The following FAM167A variants were observed in gnomAD, a reference collection of about 807,000 sequenced individuals.
FAM167A encodes protein FAM167A.
In FAM167A, 23 loss-of-function variants were observed where a neutral mutation model predicts 14.9. That is an observed-to-expected ratio of 1.55 (90% CI 1.11 to 2.19). The LOEUF is 2.19. Ranked by LOEUF, FAM167A falls within the 30% of genes most tolerant of loss-of-function variation. The pLI, the probability that FAM167A is intolerant of heterozygous loss-of-function variation, is 0.00. For missense variants in FAM167A, 401 were observed against 281.5 expected (o/e 1.42, Z -3.04); for synonymous variants, 174 against 117.7 (o/e 1.48, Z -3.10).
intron 2 of FAM167A, among the ~76,000 whole-genome samples, chr8:11,427,416 C>G (rs900118763): frequency 6.6e-6 from 1 of 152,120 alleles, no homozygotes; most frequent in African/African-American, 2.4e-5. Context: ...GATCTGAATC[C>G]TTCTCACTAT....
intron 2 of FAM167A, among the ~76,000 whole-genome samples, chr8:11,429,288 A>AT (rs1277895265): frequency 6.6e-6 from 1 of 152,212 alleles, no homozygotes; most frequent in African/African-American, 2.4e-5. Context: ...CTTTTTATAA[A>AT]TTAATCTTTT....
chr8:11,453,029 C>G (rs551171906), intron 1 of FAM167A, among the ~76,000 whole-genome samples: 4 of 152,230 alleles, frequency 2.6e-5, no homozygotes, highest in African/African-American at 4.8e-5. Flanking sequence ...TTCCCCTGCA[C>G]TCCTGACCCC....
chr8:11,456,818 G>C (rs1327903515), intron 1 of FAM167A, among the ~76,000 whole-genome samples: 18 of 149,848 alleles, frequency 1.2e-4, no homozygotes, highest in African/African-American at 3.7e-4. Flanking sequence ...GCTGGGTTAG[G>C]GACGTGGGTG....
At chr8:11,425,518 G>C (rs1035884534) in intron 2 of FAM167A, among the ~76,000 whole-genome samples, 1 of 152,180 alleles carries the variant, frequency 6.6e-6, no homozygotes, top group East Asian at 1.9e-4. Context: ...TTAGTGGCTT[G>C]ATGTTTCCTA....
chr8:11,460,496 C>T (rs1807496259), intron 1 of FAM167A, among the ~76,000 whole-genome samples: 1 of 152,226 alleles, frequency 6.6e-6, no homozygotes, highest in South Asian at 2.1e-4. Context: ...GAGGCGCCGA[C>T]TCGCCCACGT....
chr8:11,437,740 G>A (rs187550286), intron 2 of FAM167A, among the ~76,000 whole-genome samples: 16 of 152,252 alleles, frequency 1.1e-4, no homozygotes, highest in African/African-American at 3.4e-4. Context: ...ACCCCATACC[G>A]TCGTGTGCTG....
chr8:11,422,883 A>C lies in FAM167A; in HGVS notation c.*1490T>G, dbSNP rs763853109. The C allele has an allele frequency of 1.0e-4, 16 of 152,602 alleles. No individual in the cohort carries two copies. Among genetic ancestry groups the C allele is most frequent in the Non-Finnish European group, 8.8e-5 (6 of 68,048 alleles). The allele number at this position is 152,602 out of a possible 1,614,324, so 9.5% of individuals were successfully genotyped here. A position where few individuals can be genotyped will look rare whatever the true frequency, so the allele number is the denominator to read the frequency against. On this transcript the variant is annotated 3_prime_UTR_variant, in exon 3 of 3. Coordinates refer to ENST00000284486, the MANE Select transcript of FAM167A (RefSeq NM_053279.3). ...TCAGTGCCTTGCTCCACCTTGACCC[A>C]AATGTTCTGAATTGCAATACTCTGG...
intron 2 of FAM167A, among the ~76,000 whole-genome samples, chr8:11,429,778 G>A (rs1283893504): frequency 6.6e-6 from 1 of 152,226 alleles, no homozygotes; most frequent in Admixed American, 6.5e-5. Flanking sequence ...TTCAAGCTGA[G>A]CTCCACTCCT....
chr8:11,426,329 G>A (rs1805144182), intron 2 of FAM167A, among the ~76,000 whole-genome samples: 2 of 152,162 alleles, frequency 1.3e-5, no homozygotes, highest in African/African-American at 4.8e-5. Flanking sequence ...AAACCAAACA[G>A]TAACTGGACC....
chr8:11,445,324 C>G (rs9792227), intron 1 of FAM167A: 1 of 985,814 alleles, frequency 1.0e-6, no homozygotes, highest in Non-Finnish European at 1.2e-6. Context: ...CCCCTCACCA[C>G]CTCCACCCAC....
chr8:11,424,233 G>A lies in FAM167A; in HGVS notation c.*140C>T. 1.8e-6 allele frequency: 2 copies of A among 1,085,396 alleles called. No homozygotes were observed. The highest frequency in any genetic ancestry group is 2.6e-6 in the Non-Finnish European group (2 of 765,868). 67.2% of individuals were successfully genotyped at this position (1,085,396 alleles called of 1,614,324 possible). The stretch of plus-strand genomic sequence containing the variant: ...CTGGGTGGGAGAGCACCACTGAATA[G>A]GTCCTGGGGCCCTTGAGTCGCCAGT... On this transcript the variant is annotated 3_prime_UTR_variant, in exon 3 of 3. Transcript: ENST00000284486.
At chr8:11,474,038 T>C (rs552200216) in intron 1 of FAM167A, among the ~76,000 whole-genome samples, 106 of 152,104 alleles carry the variant, frequency 7.0e-4, no homozygotes, top group African/African-American at 2.5e-3. Context: ...CATGCCCGGC[T>C]AATTTTTTGT....
In FAM167A at chr8:11,444,133, AG is replaced by A. The variant is rs771396493; in HGVS notation, c.278del (p.Pro93LeufsTer28). ...CACCTTGGCTGGCACTCCTGGCAGA[AG>A]GGGGGTGCTGCCCAGCCTCTCTCAG... ...LPLREAGQHP[P>X]SARSASQGAR... On this transcript the variant is annotated frameshift_variant, in exon 2 of 3. Coordinates refer to ENST00000284486, the MANE Select transcript of FAM167A (RefSeq NM_053279.3). LOFTEE classifies it high-confidence loss of function. The A allele has an allele frequency of 3.7e-6, 6 of 1,612,964 alleles. No homozygotes were observed. The highest frequency in any genetic ancestry group is 1.3e-5 in the African/African-American group (1 of 74,936).
intron 1 of FAM167A, among the ~76,000 whole-genome samples, chr8:11,451,302 C>T (rs1563382696): frequency 1.3e-5 from 2 of 152,228 alleles, no homozygotes; most frequent in Non-Finnish European, 2.9e-5. Context: ...TGGCAAGGAG[C>T]TGGGGGCCCG....
rs1298357199 is a variant in FAM167A at position 11,422,077 on chromosome 8, T to C, written c.*2296A>G. 10 of 358,730 alleles carry C rather than the reference T, an allele frequency of 2.8e-5. No individual in the cohort carries two copies. The highest frequency in any genetic ancestry group is 2.5e-4 in the East Asian group (6 of 24,412). The allele number at this position is 358,730 out of a possible 1,614,324, so 22.2% of individuals were successfully genotyped here. A position where few individuals can be genotyped will look rare whatever the true frequency, so the allele number is the denominator to read the frequency against. On this transcript the variant is annotated 3_prime_UTR_variant, in exon 3 of 3. Transcript: ENST00000284486. ...GAGCAAAATAGCTCAGACATTTAAC[T>C]TATCCCCAAACATGTGTCTTGATCT...
chr8:11,444,738 C>G lies in FAM167A; in HGVS notation c.-327G>C, dbSNP rs1806678851. The G allele has an allele frequency of 9.3e-7, 1 of 1,074,908 alleles. No homozygotes were observed. 66.6% of individuals were successfully genotyped at this position (1,074,908 alleles called of 1,614,324 possible). On this transcript the variant is annotated 5_prime_UTR_variant, in exon 2 of 3. Transcript: ENST00000284486. ...CCAAGGTCTATCTGTCCTGAACGCA[C>G]TCGAAGACCAGACTGGCAGGAAGAA...
At position 11,425,672 on chromosome 8, in the gene FAM167A, C is replaced by G. The variant is rs570077393; in HGVS notation, c.382-1036G>C. Among the ~76,000 whole-genome samples, 221 of 152,048 alleles carry G rather than the reference C, an allele frequency of 1.5e-3. 2 individuals carry two copies. Among genetic ancestry groups the G allele is most frequent in the African/African-American group, 4.9e-3 (202 of 41,452 alleles). On this transcript the variant is annotated intron_variant, in intron 2 of 2. Coordinates refer to ENST00000284486, the MANE Select transcript of FAM167A (RefSeq NM_053279.3). ...AGTTCAGACATGCTTTGTTATACCC[C>G]CCCTTGCTGTTGGAGTTTAGGCACA... is the stretch of plus-strand genomic sequence containing the variant.
In FAM167A at chr8:11,444,022, G is replaced by A; in HGVS notation, c.381+9C>T. The A allele has an allele frequency of 6.2e-7, 1 of 1,602,106 alleles. No individual in the cohort carries two copies. Among genetic ancestry groups the A allele is most frequent in the African/African-American group, 1.3e-5 (1 of 74,604 alleles). ...TCTTTTCTGGGGATTCTTGGGGGCA[G>A]CCACTCACCAGTTCCTTCCTGAGCC... On this transcript the variant is annotated intron_variant, in intron 2 of 2. Coordinates refer to ENST00000284486, the MANE Select transcript of FAM167A (RefSeq NM_053279.3).
chr8:11,462,706 A>G lies in FAM167A; in HGVS notation c.-398+3920T>C, dbSNP rs564085847. The stretch of plus-strand genomic sequence containing the variant: ...ATGGTGGGCTGTTCTGTGTGGTTTC[A>G]TTATGCCAGCTACAACCTAGATGTA... On this transcript the variant is annotated intron_variant, in intron 1 of 2. Coordinates refer to ENST00000284486, the MANE Select transcript of FAM167A (RefSeq NM_053279.3). Among the ~76,000 whole-genome samples the G allele has an allele frequency of 3.3e-5, 5 of 152,246 alleles. No homozygotes were observed. In the East Asian group the frequency reaches 9.7e-4, roughly 29 times the overall value.
Sources: allele counts gnomAD v4.1 joint callset (sites outside exome capture counted in the v4.1 genomes callset), GRCh38; gene constraint gnomAD v4.1.1; transcripts MANE v1.5; gene names NCBI Gene and HGNC (gene_info 2026-07-23, HGNC 2026-07-21).